Variants in TRMT1L observed in about 807,000 individuals in gnomAD.
TRMT1L encodes tRNA (guanine(27)-N(2))-dimethyltransferase.
Under a neutral mutation model 81.6 loss-of-function variants are expected in TRMT1L, and 28 were observed. The observed-to-expected ratio is 0.34, with a 90% CI of 0.25 to 0.47. The LOEUF is 0.47. Ranked by LOEUF, TRMT1L falls within the 20% of genes least tolerant of loss-of-function variation. The pLI is 1.00. For missense variants in TRMT1L, 739 were observed against 877.1 expected, an observed-to-expected ratio of 0.84 and a Z score of 1.99; for synonymous variants, 301 against 303.2, an observed-to-expected ratio of 0.99 and a Z score of 0.07.
Position 185,118,894 on chromosome 1 carries a change from C to T in TRMT1L, c.*1125G>A, listed in dbSNP as rs1251253489. The T allele has an allele frequency of 6.6e-6, 1 of 151,542 alleles. No homozygotes were observed. Among genetic ancestry groups the T allele is most frequent in the African/African-American group, 2.4e-5 (1 of 41,338 alleles). 9.4% of individuals were successfully genotyped at this position (151,542 alleles called of 1,614,324 possible). ...ACCACCCCCTCCACCCCCTTCCCCC[C>T]ACTTAATGGTTATAAAAAGTTACAT... On this transcript the variant is annotated 3_prime_UTR_variant, in exon 15 of 15. Coordinates refer to ENST00000367506, the MANE Select transcript of TRMT1L (RefSeq NM_030934.5).
At position 185,152,095 on chromosome 1, in the gene TRMT1L, T is replaced by C. The variant is rs542013828; in HGVS notation, c.236-160A>G. 1.2e-4 allele frequency among the ~76,000 whole-genome samples: 18 copies of C among 152,366 alleles called. No homozygotes were observed. In the Middle Eastern group the frequency reaches 0.014, roughly 115 times the overall value. Reference sequence around the variant, plus strand: ...GGTTTATAAAATAACAAGTGTGCTTTAGAATGAAAAGTTGGGGGGAGACCC... The same window carrying C: ...GGTTTATAAAATAACAAGTGTGCTTCAGAATGAAAAGTTGGGGGGAGACCC... On this transcript the variant is annotated intron_variant, in intron 1 of 14. Coordinates refer to ENST00000367506, the MANE Select transcript of TRMT1L (RefSeq NM_030934.5).
chr1:185,157,232 G>GGT (rs138144522), upstream of TRMT1L: 36 of 155,400 alleles, frequency 2.3e-4, 1 homozygote, highest in East Asian at 2.9e-3. Context: ...GGTGGGGCGG[G>GGT]GTGTGTGTGT....
intron 5 of TRMT1L, among the ~76,000 whole-genome samples, chr1:185,144,556 C>A (rs1653135640): frequency 6.6e-6 from 1 of 151,820 alleles, no homozygotes; most frequent in Non-Finnish European, 1.5e-5. Flanking sequence ...TCACAAATTA[C>A]ATTGAAATGG....
In TRMT1L at chr1:185,151,900, G is replaced by A; in HGVS notation, c.271C>T (p.Leu91=). ...TCAGTTACAAAAGCTAAATTCTCTA[G>A]ATCAGCAAGCTGCCTTTGAATTGAG... The part of the protein sequence containing the change: ...HISIQRQLAD[L]ENLAFVTDGN... The change falls in exon 2 of 15, where the codon CTA becomes TTA. Residue 91 remains leucine, a synonymous_variant. Coordinates refer to ENST00000367506, the MANE Select transcript of TRMT1L (RefSeq NM_030934.5). The A allele has an allele frequency of 6.2e-7, 1 of 1,602,338 alleles. No individual in the cohort carries two copies. Among genetic ancestry groups the A allele is most frequent in the Non-Finnish European group, 8.5e-7 (1 of 1,175,678 alleles).
chr1:185,150,035 A>C (rs1196790905), intron 3 of TRMT1L, among the ~76,000 whole-genome samples: 1 of 152,084 alleles, frequency 6.6e-6, no homozygotes, highest in Non-Finnish European at 1.5e-5. Context: ...AAATTATTTT[A>C]TTTTCTTATT....
intron 9 of TRMT1L, 37 bp downstream of exon 9, chr1:185,139,330 C>A (rs759743393): frequency 2.6e-6 from 4 of 1,541,336 alleles, no homozygotes; most frequent in Non-Finnish European, 3.6e-6. Context: ...TTATCAAATA[C>A]TGAAACACAC....
intron 3 of TRMT1L, 49 bp downstream of exon 3, chr1:185,150,330 A>G: frequency 7.5e-7 from 1 of 1,341,436 alleles, no homozygotes; most frequent in African/African-American, 1.5e-5. Context: ...CTGGTAATAA[A>G]TGTTGAATTT....
At chr1:185,134,702 A>G (rs1344008127) in intron 10 of TRMT1L, among the ~76,000 whole-genome samples, 1 of 152,272 alleles carries the variant, frequency 6.6e-6, no homozygotes, top group Non-Finnish European at 1.5e-5. Context: ...AAGAACTTCT[A>G]TAAGGCACTC....
At position 185,119,928 on chromosome 1, in the gene TRMT1L, T is replaced by C; in HGVS notation, c.*91A>G. ...ACACTGTTTTTTATTTTTACTCTAC[T>C]GAATTGAAAGAACAGAAAAAGAACT... is the stretch of plus-strand genomic sequence containing the variant. On this transcript the variant is annotated 3_prime_UTR_variant, in exon 15 of 15. Transcript: ENST00000367506. 5 of 1,350,978 alleles carry C rather than the reference T, an allele frequency of 3.7e-6. No homozygotes were observed. Among genetic ancestry groups the C allele is most frequent in the Non-Finnish European group, 4.9e-6 (5 of 1,012,434 alleles). The allele number at this position is 1,350,978 out of a possible 1,614,324, so 83.7% of individuals were successfully genotyped here.
chr1:185,123,321 A>G (rs959185868), intron 13 of TRMT1L, among the ~76,000 whole-genome samples: 1 of 152,168 alleles, frequency 6.6e-6, no homozygotes, highest in African/African-American at 2.4e-5. Context: ...TTAAAAAGCA[A>G]AACAAAACCT....
chr1:185,119,979 C>T lies in TRMT1L; in HGVS notation c.*40G>A. 1.9e-6 allele frequency: 3 copies of T among 1,592,618 alleles called. No homozygotes were observed. Among genetic ancestry groups the T allele is most frequent in the Non-Finnish European group, 2.6e-6 (3 of 1,167,616 alleles). ...ACAGTTGGTATAGAGAACTATTAGG[C>T]CATCTATACAGACACCTGAGAACCA... On this transcript the variant is annotated 3_prime_UTR_variant, in exon 15 of 15. Coordinates refer to ENST00000367506, the MANE Select transcript of TRMT1L (RefSeq NM_030934.5).
At position 185,156,697 on chromosome 1, in the gene TRMT1L, C is replaced by T; in HGVS notation, c.16G>A (p.Glu6Lys). 2 of 1,612,746 alleles carry T rather than the reference C, an allele frequency of 1.2e-6. No individual in the cohort carries two copies. Among genetic ancestry groups the T allele is most frequent in the Non-Finnish European group, 1.7e-6 (2 of 1,179,834 alleles). ...TTCTCCAGGGGCAGCAGCTCCTCCT[C>T]CGCCATATTCTCCATAGTTACCGCC... MENMA[E>K]EELLPLEKEE... is the part of the protein sequence containing the mutation. Residue 6 changes from glutamate to lysine, a missense_variant, in exon 1 of 15, where the codon GAG becomes AAG. By Grantham distance (56) the Glu-to-Lys change is moderately conservative. This residue lies in a region of TRMT1L where 209 missense variants were observed against 165.4 expected (regional missense o/e 1.26). Coordinates refer to ENST00000367506, the MANE Select transcript of TRMT1L (RefSeq NM_030934.5).
intron 11 of TRMT1L, among the ~76,000 whole-genome samples, chr1:185,128,211 T>C (rs1652681868): frequency 6.6e-6 from 1 of 152,228 alleles, no homozygotes; most frequent in South Asian, 2.1e-4. Context: ...TATTTCCAAT[T>C]GTGTATCATC....
In TRMT1L at chr1:185,124,960, T is replaced by G. The variant is rs1652586848; in HGVS notation, c.1743A>C (p.Ser581=). The part of the protein sequence containing the change: ...PQSQFSIHAS[S]NVNKQEENGV... ...GTTAGTCACCTTGCTTGTTGACATT[T>G]GAAGATGCATGAATTGAAAACTGAC... Residue 581 remains serine (S), a synonymous_variant, in exon 12 of 15, where the codon TCA becomes TCC. Coordinates refer to ENST00000367506, the MANE Select transcript of TRMT1L (RefSeq NM_030934.5). The G allele has an allele frequency of 6.2e-7, 1 of 1,610,942 alleles. No individual in the cohort carries two copies. The highest frequency in any genetic ancestry group is 2.2e-5 in the East Asian group (1 of 44,744).
intron 7 of TRMT1L, among the ~76,000 whole-genome samples, chr1:185,142,263 A>C (rs1210311268): frequency 6.6e-6 from 1 of 152,192 alleles, no homozygotes; most frequent in Non-Finnish European, 1.5e-5. Context: ...CTGTGGTCAT[A>C]CAACTATCAA....
intron 3 of TRMT1L, among the ~76,000 whole-genome samples, chr1:185,149,876 ATT>A (rs1179188336): frequency 6.6e-6 from 1 of 151,810 alleles, no homozygotes; most frequent in Non-Finnish European, 1.5e-5. Context: ...TAATTGAAAT[ATT>A]TGTTTGTTTC....
At chr1:185,124,840 TTTATAA>T in intron 12 of TRMT1L, 98 bp downstream of exon 12, 1 of 1,115,062 alleles carries the variant, frequency 9.0e-7, no homozygotes, top group Non-Finnish European at 1.2e-6. Flanking sequence ...AAACACACTA[TTTATAA>T]TTATATTGGT....
At chr1:185,128,439 T>C (rs933711756) in intron 11 of TRMT1L, among the ~76,000 whole-genome samples, 7 of 152,224 alleles carry the variant, frequency 4.6e-5, no homozygotes, top group African/African-American at 1.7e-4. Flanking sequence ...CAGGCTTCTC[T>C]TTTACCTCCA....
chr1:185,128,827 G>T (rs41264588), intron 10 of TRMT1L, 80 bp from the exon 11 acceptor site: 102,289 of 1,211,328 alleles, frequency 0.084, 6,411 homozygotes, highest in East Asian at 0.34. Flanking sequence ...TAATAATAAT[G>T]TGCAGCTACT....
Sources: gnomAD v4.1 joint callset for allele counts (sites outside exome capture counted in the v4.1 genomes callset) on GRCh38, gnomAD v4.1.1 for gene constraint, gnomAD v4.1.1 regional missense constraint, MANE v1.5 for transcripts, NCBI Gene and HGNC (gene_info 2026-07-23, HGNC 2026-07-21) for gene names.